JAK2: variants seen among roughly 807,000 people sequenced by gnomAD.
JAK2 encodes Janus kinase 2, also known as tyrosine-protein kinase JAK2.
A neutral mutation model predicts 139.3 loss-of-function variants in JAK2; 86 were observed. The observed-to-expected ratio is 0.62, with a 90% CI of 0.52 to 0.74. The LOEUF (loss-of-function observed/expected upper bound fraction) is 0.74. Among genes scored for constraint, JAK2 ranks in the 30% least tolerant of loss-of-function variants. JAK2 has a pLI of 0.00. For missense variants in JAK2, 1,421 were observed against 1,360.3 expected (o/e 1.04, Z -0.70); for synonymous variants, 490 against 437.7 (o/e 1.12, Z -1.49).
chr9:5,068,698 A>G (rs1818738861), intron 10 of JAK2, among the ~76,000 whole-genome samples: 1 of 152,214 alleles, frequency 6.6e-6, no homozygotes, highest in Admixed American at 6.5e-5. Flanking sequence ...CAGCTCATGG[A>G]AGGCTCTATA....
At chr9:5,114,119 G>A in intron 22 of JAK2, 1 of 359,734 alleles carries the variant, frequency 2.8e-6, no homozygotes. Flanking sequence ...ACACCTGCCA[G>A]GTCACCTATC....
chr9:5,116,782 A>C (rs1250987421), intron 22 of JAK2, among the ~76,000 whole-genome samples: 1 of 152,224 alleles, frequency 6.6e-6, no homozygotes, highest in African/African-American at 2.4e-5. Context: ...AGGCAAATTC[A>C]ACTGACAGGT....
intron 8 of JAK2, among the ~76,000 whole-genome samples, 178 bp from the exon 9 acceptor site, chr9:5,064,705 T>C (rs1818445109): frequency 6.6e-6 from 1 of 152,186 alleles, no homozygotes; most frequent in South Asian, 2.1e-4. Flanking sequence ...AATCTGTATT[T>C]AGGAGGATCT....
At chr9:5,006,102 G>A (rs956293427) in intron 2 of JAK2, among the ~76,000 whole-genome samples, 5 of 152,186 alleles carry the variant, frequency 3.3e-5, no homozygotes, top group East Asian at 1.9e-4. Flanking sequence ...CCATTTTCAC[G>A]ATATTGATTC....
At chr9:5,067,967 T>C (rs917132626) in intron 10 of JAK2, among the ~76,000 whole-genome samples, 4 of 151,796 alleles carry the variant, frequency 2.6e-5, no homozygotes, top group Admixed American at 6.6e-5. Flanking sequence ...TCCTGGCCAA[T>C]GTGGTGAAAT....
rs1238962714 is a variant in JAK2 at position 5,044,424 on chromosome 9, T to C, written c.372T>C (p.Tyr124=). The C allele has an allele frequency of 1.2e-6, 2 of 1,611,672 alleles. No homozygotes were observed. Among genetic ancestry groups the C allele is most frequent in the East Asian group, 2.2e-5 (1 of 44,834 alleles). Residue 124 remains tyrosine (Y), a synonymous_variant, in exon 5 of 25, where the codon TAT becomes TAC. Transcript: ENST00000381652. The part of the protein sequence containing the change: ...YRIRFYFPRW[Y]CSGSNRAYRH... The stretch of plus-strand genomic sequence containing the variant: ...GTAGATTTTACTTTCCTCGTTGGTA[T>C]TGCAGTGGCAGCAACAGAGCCTATC...
chr9:5,027,525 T>C (rs1822856714), intron 3 of JAK2, among the ~76,000 whole-genome samples: 2 of 152,198 alleles, frequency 1.3e-5, no homozygotes, highest in Non-Finnish European at 2.9e-5. Context: ...TGGGTGGCTA[T>C]GGCAATATCT....
chr9:4,987,804 T>C (rs1274615261), intron 2 of JAK2, among the ~76,000 whole-genome samples: 1 of 151,742 alleles, frequency 6.6e-6, no homozygotes, highest in East Asian at 1.9e-4. Flanking sequence ...CACTTTCTTA[T>C]AAGATTGTTG....
chr9:5,029,166 A>C (rs1822977538), intron 3 of JAK2, among the ~76,000 whole-genome samples: 2 of 152,192 alleles, frequency 1.3e-5, no homozygotes, highest in Admixed American at 1.3e-4. Flanking sequence ...GAATGCCTAG[A>C]GGCCATTGTA....
intron 2 of JAK2, among the ~76,000 whole-genome samples, chr9:5,008,945 C>T (rs572598364): frequency 6.6e-6 from 1 of 151,974 alleles, no homozygotes; most frequent in Non-Finnish European, 1.5e-5. Context: ...GAGTCTAGGA[C>T]CTGGGAGTTT....
chr9:5,059,365 G>C (rs1319695682), intron 8 of JAK2, among the ~76,000 whole-genome samples: 1 of 152,024 alleles, frequency 6.6e-6, no homozygotes. Context: ...ATAATGTTTG[G>C]AGATTCATTT....
rs1819451442 is a variant in JAK2, at chr9:5,078,308, A to G, written c.1995A>G (p.Glu665=). 2.5e-6 allele frequency: 4 copies of G among 1,611,154 alleles called. No individual in the cohort carries two copies. The highest frequency in any genetic ancestry group is 2.5e-6 in the Non-Finnish European group (3 of 1,178,124). Residue 665 remains glutamate, a splice_region_variant and synonymous_variant, in exon 16 of 25, where the codon GAA becomes GAG. Transcript: ENST00000381652. ...ATATGTGCGTTTAACTCTAATAGGA[A>G]GAAAACACCCTTATTCATGGGAATG... ...KQLAWAMHFL[E]ENTLIHGNVC... is the part of the protein sequence containing the mutation.
At chr9:5,089,563 AAAGAC>A (rs1820409498) in intron 19 of JAK2, 106 bp from the exon 20 acceptor site, 7 of 349,716 alleles carry the variant, frequency 2.0e-5, no homozygotes, top group South Asian at 1.2e-4. Flanking sequence ...AAAAAAAAAA[AAAGAC>A]AGTCTGCTAA....
chr9:5,112,018 C>G (rs1564015928), intron 22 of JAK2: 8 of 402,272 alleles, frequency 2.0e-5, no homozygotes, highest in Non-Finnish European at 4.0e-5. Context: ...TAGCCTGGAG[C>G]AGGAGTCCCT....
At position 5,089,373 on chromosome 9, in the gene JAK2, C is replaced by T. The variant is rs183336131; in HGVS notation, c.2572-301C>T. Among the ~76,000 whole-genome samples, 640 of 151,956 alleles carry T rather than the reference C, an allele frequency of 4.2e-3. 4 individuals carry two copies. Among genetic ancestry groups the T allele is most frequent in the African/African-American group, 0.015 (616 of 41,454 alleles). ...CTAACACAGCGAAACCCTGTCTCTA[C>T]TAAATATACAAAAAATTAGCTGGGC... is the stretch of plus-strand genomic sequence containing the variant. On this transcript the variant is annotated intron_variant, in intron 19 of 24. Coordinates refer to ENST00000381652, the MANE Select transcript of JAK2 (RefSeq NM_004972.4).
At chr9:5,046,558 T>C (rs1208159920) in intron 5 of JAK2, among the ~76,000 whole-genome samples, 1 of 152,212 alleles carries the variant, frequency 6.6e-6, no homozygotes, top group Non-Finnish European at 1.5e-5. Flanking sequence ...ATTGGGTCCA[T>C]TTTGAGTTAA....
intron 4 of JAK2, among the ~76,000 whole-genome samples, chr9:5,037,077 A>T (rs2130240714): frequency 6.6e-6 from 1 of 152,358 alleles, no homozygotes; most frequent in Middle Eastern, 3.4e-3. Flanking sequence ...TTGAAAGAAG[A>T]CATTTATGCA....
At chr9:5,110,740 A>AT in intron 22 of JAK2, 1 of 363,946 alleles carries the variant, frequency 2.7e-6, no homozygotes. Flanking sequence ...TACCCGTGTT[A>AT]TTTTCTTTGC....
chr9:5,045,097 C>T (rs188094529), intron 5 of JAK2, among the ~76,000 whole-genome samples: 226 of 152,190 alleles, frequency 1.5e-3, no homozygotes, highest in Non-Finnish European at 2.6e-3. Context: ...TTCTCTATTA[C>T]CTTGATTTAA....
Sources: gnomAD v4.1 joint callset for allele counts (sites outside exome capture counted in the v4.1 genomes callset) on GRCh38, gnomAD v4.1.1 for gene constraint, MANE v1.5 for transcripts, NCBI Gene and HGNC (gene_info 2026-07-23, HGNC 2026-07-21) for gene names.